The following CYFIP1 variants were observed in gnomAD, a reference collection of about 807,000 sequenced individuals.
The protein encoded by CYFIP1 is cytoplasmic FMR1 interacting protein 1, also known as cytoplasmic FMR1-interacting protein 1.
A neutral mutation model predicts 163.5 loss-of-function variants in CYFIP1; 58 were observed. That is an observed-to-expected ratio of 0.35 (90% confidence interval 0.29 to 0.44). The LOEUF (loss-of-function observed/expected upper bound fraction) is 0.44. Ranked by LOEUF, CYFIP1 falls within the 20% of genes least tolerant of loss-of-function variation. The pLI is 1.00. For missense variants in CYFIP1, 1,338 were observed against 1,653.8 expected (o/e 0.81, Z 3.31); for synonymous variants, 663 against 660.7 (o/e 1.00, Z -0.05).
chr15:22,956,228 T>C (rs2062448242), intron 1 of CYFIP1, among the ~76,000 whole-genome samples: 1 of 151,850 alleles, frequency 6.6e-6, no homozygotes, highest in Non-Finnish European at 1.5e-5. Flanking sequence ...ATAAATATGA[T>C]TTGGTCCTTT....
intron 1 of CYFIP1, among the ~76,000 whole-genome samples, chr15:22,973,385 C>CGTTCTTCAT (rs2063165595): frequency 1.6e-5 from 2 of 124,274 alleles, no homozygotes; most frequent in African/African-American, 3.0e-5. Flanking sequence ...TTTTTCTACC[C>CGTTCTTCAT]GTTCTTCACT....
intron 11 of CYFIP1, among the ~76,000 whole-genome samples, chr15:22,928,626 CAA>C (rs1216223091): frequency 6.6e-6 from 1 of 152,114 alleles, no homozygotes; most frequent in Admixed American, 6.5e-5. Flanking sequence ...GGGCAACACA[CAA>C]GTCACGTGGG....
chr15:22,967,425 T>C (rs533668067), intron 1 of CYFIP1, among the ~76,000 whole-genome samples: 2 of 152,304 alleles, frequency 1.3e-5, no homozygotes, highest in African/African-American at 4.8e-5. Flanking sequence ...CCATGTAGTC[T>C]TGGCTAAGTC....
chr15:22,897,489 T>TC (rs11381398), intron 22 of CYFIP1, among the ~76,000 whole-genome samples: 1 of 151,352 alleles, frequency 6.6e-6, no homozygotes, highest in Non-Finnish European at 1.5e-5. Flanking sequence ...TTTTTTTTTT[T>TC]TGTTTGTGTT....
intron 20 of CYFIP1, among the ~76,000 whole-genome samples, chr15:22,909,587 G>A (rs1252138231): frequency 1.3e-5 from 2 of 152,072 alleles, no homozygotes; most frequent in African/African-American, 4.8e-5. Flanking sequence ...ATATGACAAA[G>A]CCCTGGTGAA....
At chr15:22,907,815 C>T (rs560290916) in intron 21 of CYFIP1, among the ~76,000 whole-genome samples, 3 of 152,292 alleles carry the variant, frequency 2.0e-5, no homozygotes, top group Admixed American at 6.5e-5. Context: ...CCTGTGGCTC[C>T]GGCCCTGGCT....
chr15:22,948,545 C>T (rs2062136567), intron 1 of CYFIP1, among the ~76,000 whole-genome samples: 1 of 152,210 alleles, frequency 6.6e-6, no homozygotes, highest in Non-Finnish European at 1.5e-5. Flanking sequence ...CAACCATCCA[C>T]TTACAGCCCA....
intron 23 of CYFIP1, among the ~76,000 whole-genome samples, chr15:22,889,231 C>CGGAG (rs780405808): frequency 6.6e-6 from 1 of 152,138 alleles, no homozygotes; most frequent in East Asian, 1.9e-4. Flanking sequence ...TCTTTCTCTC[C>CGGAG]AAAAGAGCAT....
chr15:22,909,364 GA>G, intron 20 of CYFIP1, 51 bp from the exon 21 acceptor site: 1 of 1,602,342 alleles, frequency 6.2e-7, no homozygotes, highest in Non-Finnish European at 8.5e-7. Context: ...TGAGCAGCTC[GA>G]AAACAACAAA....
At chr15:22,937,043 C>G in intron 9 of CYFIP1, 61 bp downstream of exon 9, 1 of 1,192,578 alleles carries the variant, frequency 8.4e-7, no homozygotes. Flanking sequence ...GGGCTCACTT[C>G]CCCAAAATTC....
At chr15:22,871,531 G>A (rs1387233849) in intron 30 of CYFIP1, among the ~76,000 whole-genome samples, 1 of 152,204 alleles carries the variant, frequency 6.6e-6, no homozygotes, top group Non-Finnish European at 1.5e-5. Context: ...AAGGGCCCCT[G>A]AGAGAGGCCC....
intron 13 of CYFIP1, among the ~76,000 whole-genome samples, chr15:22,922,492 G>A (rs150163892): frequency 6.6e-6 from 1 of 152,264 alleles, no homozygotes; most frequent in East Asian, 1.9e-4. Flanking sequence ...TTTTCCCTTT[G>A]CTGATCTGAC....
rs540449245 is a variant in CYFIP1, at chr15:22,952,987, A to G, written c.-6-5696T>C. 3.9e-5 allele frequency among the ~76,000 whole-genome samples: 6 copies of G among 152,304 alleles called. No individual in the cohort carries two copies. The South Asian group carries it at 1.2e-3, about 32-fold the overall frequency. On this transcript the variant is annotated intron_variant, in intron 1 of 30. Coordinates refer to ENST00000617928, the MANE Select transcript of CYFIP1 (RefSeq NM_014608.6). Reference sequence around the variant, plus strand: ...TTCATATTTCAGGTTTTTCATGATCATAGGCAGCCCTCCCACATCCGCCTT... The same window carrying G: ...TTCATATTTCAGGTTTTTCATGATCGTAGGCAGCCCTCCCACATCCGCCTT...
At chr15:22,939,711 C>G (rs1159826291) in intron 6 of CYFIP1, among the ~76,000 whole-genome samples, 1 of 152,140 alleles carries the variant, frequency 6.6e-6, no homozygotes, top group Non-Finnish European at 1.5e-5. Flanking sequence ...CTTCTGCCAA[C>G]TTAGACGTGT....
In CYFIP1 at chr15:22,875,213, C is replaced by T. The variant is rs1203995382; in HGVS notation, c.3101G>A (p.Arg1034Gln). The T allele has an allele frequency of 6.8e-6, 11 of 1,613,848 alleles. No homozygotes were observed. Among genetic ancestry groups the T allele is most frequent in the African/African-American group, 6.7e-5 (5 of 74,872 alleles). The change falls in exon 27 of 31, where the codon CGA becomes CAA. Residue 1034 changes from arginine (R) to glutamine (Q), a missense_variant. Arg to Gln is a conservative substitution (Grantham distance 43). Transcript: ENST00000617928. ...HAAPFQNILP[R>Q]VHVKEGERLD... ...AGCAGGCTCACCTTTCACATGGACT[C>T]GCGGCAAGATGTTCTGGAAAGGAGC...
chr15:22,961,760 T>G (rs1330182293), intron 1 of CYFIP1, among the ~76,000 whole-genome samples: 3 of 152,176 alleles, frequency 2.0e-5, no homozygotes, highest in Non-Finnish European at 4.4e-5. Flanking sequence ...CTTGGTATTT[T>G]CCTCAGCAAC....
intron 11 of CYFIP1, 71 bp from the exon 12 acceptor site, chr15:22,928,099 C>T: frequency 7.1e-7 from 1 of 1,411,140 alleles, no homozygotes; most frequent in Non-Finnish European, 9.2e-7. Context: ...CGGGATCCAC[C>T]ATGAGAATCC....
At chr15:22,903,254 C>T (rs547490428) in intron 22 of CYFIP1, among the ~76,000 whole-genome samples, 9 of 152,114 alleles carry the variant, frequency 5.9e-5, no homozygotes, top group Admixed American at 1.3e-4. Context: ...ACCCGGTGTG[C>T]GGAGCCCAGG....
At chr15:22,930,836 C>T (rs1021401530) in intron 11 of CYFIP1, among the ~76,000 whole-genome samples, 7 of 152,034 alleles carry the variant, frequency 4.6e-5, no homozygotes, top group African/African-American at 1.7e-4. Context: ...AAGGCTAATT[C>T]GTTATTAAAG....
Sources: gnomAD v4.1 joint callset for allele counts (sites outside exome capture counted in the v4.1 genomes callset) on GRCh38, gnomAD v4.1.1 for gene constraint, MANE v1.5 for transcripts, NCBI Gene and HGNC (gene_info 2026-07-23, HGNC 2026-07-21) for gene names.